RIMBP2: variants seen among roughly 807,000 people sequenced by gnomAD.
The protein encoded by RIMBP2 is RIMS binding protein 2.
RIMBP2 carries 48 observed loss-of-function variants against 118.6 expected under a neutral mutation model. That is an observed-to-expected ratio of 0.40 (90% CI 0.32 to 0.51). The LOEUF is 0.51. RIMBP2 is among the 20% of genes least tolerant of loss of function. RIMBP2 has a pLI of 0.41. For synonymous variants in RIMBP2, 762 were observed against 742.9 expected, an observed-to-expected ratio of 1.03 and a Z score of -0.42; for missense variants, 1,551 against 1,768.3, an observed-to-expected ratio of 0.88 and a Z score of 2.20.
chr12:130,460,716 G>A (rs1022445669), intron 6 of RIMBP2, among the ~76,000 whole-genome samples: 2 of 152,182 alleles, frequency 1.3e-5, no homozygotes, highest in African/African-American at 4.8e-5. Context: ...AGGGATATTG[G>A]TGTTCTTAGA....
intron 11 of RIMBP2, among the ~76,000 whole-genome samples, chr12:130,439,873 G>GTC (rs2077966511): frequency 6.7e-6 from 1 of 149,390 alleles, no homozygotes; most frequent in Admixed American, 6.7e-5. Flanking sequence ...CTGTGGGTGT[G>GTC]TGTATGTGGG....
intron 5 of RIMBP2, 84 bp downstream of exon 5, chr12:130,478,828 T>C (rs1283849586): frequency 2.1e-6 from 2 of 944,160 alleles, no homozygotes; most frequent in Admixed American, 4.1e-5. Flanking sequence ...AGGCCGCAGG[T>C]CGGCCGCTCC....
At chr12:130,577,423 G>A (rs949811069) in intron 2 of RIMBP2, among the ~76,000 whole-genome samples, 1 of 152,118 alleles carries the variant, frequency 6.6e-6, no homozygotes, top group Admixed American at 6.6e-5. Flanking sequence ...CACATGGCTG[G>A]GGAGGCCTCA....
At chr12:130,417,184 A>C (rs1029968224) in intron 17 of RIMBP2, among the ~76,000 whole-genome samples, 1 of 152,190 alleles carries the variant, frequency 6.6e-6, no homozygotes, top group Non-Finnish European at 1.5e-5. Context: ...AGCAGTTTGG[A>C]GATTTCTTGG....
intron 2 of RIMBP2, among the ~76,000 whole-genome samples, chr12:130,568,409 C>T (rs2057388225): frequency 6.6e-6 from 1 of 152,194 alleles, no homozygotes; most frequent in South Asian, 2.1e-4. Context: ...CAGTGGTAAC[C>T]CTAAGTCAGC....
chr12:130,410,701 G>T (rs1290770500), intron 19 of RIMBP2, among the ~76,000 whole-genome samples: 1 of 152,132 alleles, frequency 6.6e-6, no homozygotes, highest in African/African-American at 2.4e-5. Context: ...ACTTCATTCT[G>T]CCCCATTAAT....
intron 4 of RIMBP2, among the ~76,000 whole-genome samples, chr12:130,503,341 A>G (rs2049984379): frequency 6.6e-6 from 1 of 151,862 alleles, no homozygotes; most frequent in Non-Finnish European, 1.5e-5. Flanking sequence ...GGTTGCAGTG[A>G]GTTGAGATCA....
At chr12:130,535,738 C>CATATATATATATAT (rs55887629) in intron 2 of RIMBP2, among the ~76,000 whole-genome samples, 4 of 66,730 alleles carry the variant, frequency 6.0e-5, no homozygotes, top group Non-Finnish European at 1.0e-4. Context: ...CATATATATA[C>CATATATATATATAT]ATATATATAT....
intron 1 of RIMBP2, among the ~76,000 whole-genome samples, chr12:130,641,663 A>T (rs780802285): frequency 9.2e-5 from 14 of 152,188 alleles, no homozygotes; most frequent in Non-Finnish European, 1.8e-4. Flanking sequence ...AGAAAAACAA[A>T]CTGCGCCTGT....
At chr12:130,619,556 T>C (rs1190730223) in intron 2 of RIMBP2, among the ~76,000 whole-genome samples, 1 of 152,198 alleles carries the variant, frequency 6.6e-6, no homozygotes, top group African/African-American at 2.4e-5. Flanking sequence ...AGTTCTGTAT[T>C]AAGGGGTCTG....
intron 16 of RIMBP2, among the ~76,000 whole-genome samples, chr12:130,423,184 A>T (rs935823872): frequency 6.6e-6 from 1 of 152,226 alleles, no homozygotes; most frequent in Non-Finnish European, 1.5e-5. Context: ...AAAGACAATC[A>T]CAGCAAAACC....
intron 6 of RIMBP2, among the ~76,000 whole-genome samples, chr12:130,464,729 A>G: frequency 6.6e-6 from 1 of 152,218 alleles, no homozygotes; most frequent in South Asian, 2.1e-4. Context: ...GGACCCACCC[A>G]GGTCTCTCTG....
At chr12:130,467,637 C>G (rs2080607198) in intron 6 of RIMBP2, among the ~76,000 whole-genome samples, 1 of 152,206 alleles carries the variant, frequency 6.6e-6, no homozygotes, top group Non-Finnish European at 1.5e-5. Context: ...ACATCCCTGT[C>G]TTAATAAATT....
At chr12:130,508,601 C>A (rs1390429175) in intron 3 of RIMBP2, among the ~76,000 whole-genome samples, 1 of 151,982 alleles carries the variant, frequency 6.6e-6, no homozygotes, top group Admixed American at 6.6e-5. Context: ...CTTGCCTTCA[C>A]CCCCTGCCTC....
intron 1 of RIMBP2, among the ~76,000 whole-genome samples, chr12:130,639,209 G>A (rs1401956926): frequency 6.6e-6 from 1 of 151,270 alleles, no homozygotes; most frequent in Non-Finnish European, 1.5e-5. Flanking sequence ...GCAACATAGT[G>A]AAACCCCCAT....
At chr12:130,515,315 T>C (rs11614239) in intron 3 of RIMBP2, among the ~76,000 whole-genome samples, 7,871 of 152,288 alleles carry the variant, frequency 0.052, 273 homozygotes, top group South Asian at 0.16. Context: ...CACCCATCTC[T>C]AGAACTCTCT....
intron 1 of RIMBP2, among the ~76,000 whole-genome samples, chr12:130,676,353 G>A (rs1006359452): frequency 5.3e-5 from 8 of 150,836 alleles, no homozygotes; most frequent in South Asian, 2.1e-4. Flanking sequence ...GGCCAGGCAC[G>A]GTTGCTCACG....
intron 4 of RIMBP2, among the ~76,000 whole-genome samples, chr12:130,494,938 G>C (rs930564472): frequency 2.0e-5 from 3 of 152,214 alleles, no homozygotes; most frequent in African/African-American, 7.2e-5. Flanking sequence ...TGGAACCTCT[G>C]AGGGAGAAGC....
intron 17 of RIMBP2, among the ~76,000 whole-genome samples, chr12:130,418,671 A>G (rs2076242885): frequency 6.6e-6 from 1 of 152,204 alleles, no homozygotes; most frequent in African/African-American, 2.4e-5. Context: ...CAGAGGGGTC[A>G]GGGGCTAAGG....
Sources: allele counts gnomAD v4.1 joint callset (sites outside exome capture counted in the v4.1 genomes callset), GRCh38; gene constraint gnomAD v4.1.1; transcripts MANE v1.5; gene names NCBI Gene and HGNC (gene_info 2026-07-23, HGNC 2026-07-21).